Variants in PVT1 observed in about 807,000 individuals in gnomAD.
The protein encoded by PVT1 is CXCR4/PVT1 fusion.
At chr8:128,044,223 T>C (rs1813585189) in intron 4 of PVT1, among the ~76,000 whole-genome samples, 1 of 28,358 alleles carries the variant, frequency 3.5e-5, no homozygotes, top group South Asian at 1.4e-3. Context: ...CCATCTCCCC[T>C]TTTTTTTTCT....
At chr8:128,077,411 G>A (rs1035370695) in intron 5 of PVT1, among the ~76,000 whole-genome samples, 16 of 152,036 alleles carry the variant, frequency 1.1e-4, no homozygotes, top group Admixed American at 5.2e-4. Flanking sequence ...AACCTGCTTG[G>A]GCTTCAGGGG....
At chr8:128,057,127 G>A (rs1425507272) in intron 4 of PVT1, among the ~76,000 whole-genome samples, 1 of 152,156 alleles carries the variant, frequency 6.6e-6, no homozygotes, top group Non-Finnish European at 1.5e-5. Context: ...TTCACAGTGA[G>A]CTGATTTACC....
At position 128,012,689 on chromosome 8, in the gene PVT1, T is replaced by C. The variant is rs1046373796; in HGVS notation, n.912+23398T>C. Among the ~76,000 whole-genome samples, 3 of 152,208 alleles carry C rather than the reference T, an allele frequency of 2.0e-5. No individual in the cohort carries two copies. The East Asian group carries it at 5.8e-4, about 29-fold the overall frequency. On this transcript the variant is annotated intron_variant and non_coding_transcript_variant, in intron 4 of 10. Transcript: ENST00000651587. ...GTCAACTCATTCTTTCTTGCACTCTTGCTGATCCTCAGCAATTTCTCGGCT... is the reference window on the plus strand; with the variant it reads ...GTCAACTCATTCTTTCTTGCACTCTCGCTGATCCTCAGCAATTTCTCGGCT...
At chr8:127,855,647 C>T (rs1173058191) in intron 2 of PVT1, among the ~76,000 whole-genome samples, 2 of 152,216 alleles carry the variant, frequency 1.3e-5, no homozygotes, top group African/African-American at 2.4e-5. Flanking sequence ...GCACCTTTCC[C>T]GGTGAACTCC....
chr8:127,903,152 A>G (rs1815778933), intron 3 of PVT1, among the ~76,000 whole-genome samples: 1 of 152,112 alleles, frequency 6.6e-6, no homozygotes. Flanking sequence ...AATGTATCTC[A>G]TTGTGGTTTT....
chr8:127,939,031 C>T (rs1020640392), intron 3 of PVT1, among the ~76,000 whole-genome samples: 24 of 152,190 alleles, frequency 1.6e-4, no homozygotes, highest in African/African-American at 5.8e-4. Flanking sequence ...CATGTACCTT[C>T]TCTATTTGGG....
At chr8:127,864,964 A>T (rs998461612) in intron 2 of PVT1, among the ~76,000 whole-genome samples, 11 of 152,174 alleles carry the variant, frequency 7.2e-5, no homozygotes, top group Admixed American at 6.5e-5. Flanking sequence ...TCCTAGAGGG[A>T]CCTGGCTAAG....
intron 2 of PVT1, chr8:127,855,293 G>A (rs1315699990): frequency 5.0e-6 from 2 of 398,574 alleles, no homozygotes; most frequent in Non-Finnish European, 8.8e-6. Flanking sequence ...AAGCAGCTGG[G>A]GGCCTTGGCT....
intron 4 of PVT1, among the ~76,000 whole-genome samples, chr8:127,991,144 T>TTTC (rs1554602705): frequency 1.2e-4 from 9 of 74,274 alleles, no homozygotes; most frequent in African/African-American, 3.5e-4. Context: ...TTCTTTCTTT[T>TTTC]TTTTTTTTTT....
intron 2 of PVT1, among the ~76,000 whole-genome samples, chr8:127,881,705 C>T (rs935098707): frequency 4.6e-5 from 7 of 152,124 alleles, no homozygotes; most frequent in Admixed American, 3.9e-4. Flanking sequence ...GATCCACTTG[C>T]CTTGGCCTCC....
Position 128,012,048 on chromosome 8 carries a change from C to T in PVT1, n.912+22757C>T, listed in dbSNP as rs148998893. Reference sequence around the variant, plus strand: ...CACAGTGAATCATTACAAACAGAAACGATTCCCTCTTATTTGTGGAGCACA... The same window carrying T: ...CACAGTGAATCATTACAAACAGAAATGATTCCCTCTTATTTGTGGAGCACA... On this transcript the variant is annotated intron_variant and non_coding_transcript_variant, in intron 4 of 10. Transcript: ENST00000651587. Among the ~76,000 whole-genome samples, 303 of 152,280 alleles carry T rather than the reference C, an allele frequency of 2.0e-3. 1 individual carries two copies. The highest frequency in any genetic ancestry group is 6.2e-3 in the African/African-American group (259 of 41,552).
chr8:127,817,546 T>C (rs113337520), intron 2 of PVT1, among the ~76,000 whole-genome samples: 22,565 of 89,502 alleles, frequency 0.25, 2,782 homozygotes, highest in South Asian at 0.39. Flanking sequence ...TATATATATA[T>C]ACACACACAC....
At chr8:128,088,074 T>C (rs1475753533) in intron 5 of PVT1, among the ~76,000 whole-genome samples, 2 of 152,132 alleles carry the variant, frequency 1.3e-5, no homozygotes, top group African/African-American at 4.8e-5. Context: ...TTGTTTTTTT[T>C]CCCTCAAGAC....
At chr8:128,081,639 G>A (rs1040239816) in intron 5 of PVT1, among the ~76,000 whole-genome samples, 1 of 152,148 alleles carries the variant, frequency 6.6e-6, no homozygotes, top group Non-Finnish European at 1.5e-5. Flanking sequence ...TAAGCTTTCT[G>A]AGTGTGAGAT....
chr8:128,022,216 A>G (rs1404515690), intron 4 of PVT1, among the ~76,000 whole-genome samples: 1 of 152,160 alleles, frequency 6.6e-6, no homozygotes, highest in Non-Finnish European at 1.5e-5. Flanking sequence ...TATCCCCAGT[A>G]AAACCAGGAC....
intron 4 of PVT1, chr8:128,008,794 C>G: frequency 5.0e-6 from 2 of 403,404 alleles, no homozygotes; most frequent in Non-Finnish European, 1.1e-5. Context: ...GCCCACTCAG[C>G]TGATGAGATT....
intron 3 of PVT1, among the ~76,000 whole-genome samples, chr8:127,980,449 G>A (rs906636133): frequency 6.6e-6 from 1 of 152,144 alleles, no homozygotes. Context: ...CTTCCTGGAC[G>A]ATGGGCTCTG....
At position 127,854,376 on chromosome 8, in the gene PVT1, C is replaced by T. The variant is rs562746964; in HGVS notation, n.373-36213C>T. Among the ~76,000 whole-genome samples the T allele has an allele frequency of 3.3e-5, 5 of 152,280 alleles. No individual in the cohort carries two copies. In the East Asian group the frequency reaches 9.7e-4, roughly 29 times the overall value. The stretch of plus-strand genomic sequence containing the variant: ...GCTCTGCGCTGGGCCGCTGAGTCAT[C>T]GCTCAGCAGTGAGGCCTCTGAGTCA... On this transcript the variant is annotated intron_variant and non_coding_transcript_variant, in intron 2 of 10. Coordinates refer to ENST00000651587, the Ensembl canonical transcript of PVT1.
chr8:127,810,072 G>A (rs1814576024), intron 2 of PVT1, among the ~76,000 whole-genome samples: 1 of 152,158 alleles, frequency 6.6e-6, no homozygotes, highest in African/African-American at 2.4e-5. Flanking sequence ...TGGGACAGAT[G>A]CCCCCCAGAA....
Sources: gnomAD v4.1 joint callset for allele counts (sites outside exome capture counted in the v4.1 genomes callset) on GRCh38, gnomAD v4.1.1 for gene constraint, MANE v1.5 for transcripts, NCBI Gene and HGNC (gene_info 2026-07-23, HGNC 2026-07-21) for gene names.